The following TRAP1 variants were observed in gnomAD, a reference collection of about 807,000 sequenced individuals.
The protein encoded by TRAP1 is TNF receptor associated protein 1, also known as heat shock protein 75 kDa, mitochondrial.
A neutral mutation model predicts 89.1 loss-of-function variants in TRAP1; 102 were observed. That is an observed-to-expected ratio of 1.15 (90% CI 0.98 to 1.35). The LOEUF is 1.35. TRAP1 is among the 40% of genes most tolerant of loss of function. The pLI is 0.00. For missense variants in TRAP1, 1,256 were observed against 945.3 expected (o/e 1.33, Z -4.31); for synonymous variants, 508 against 388.0 (o/e 1.31, Z -3.64).
chr16:3,661,989 G>A lies in TRAP1; in HGVS notation c.1938C>T (p.Pro646=). The part of the protein sequence containing the change: ...QLLQPTLEIN[P]RHALIKKLNQ... Reference sequence around the variant, plus strand: ...AAGAGCCAGGAGCGTGGCCTCACCTGGGGTTGATCTCCAGCGTGGGCTGCA... The same window carrying A: ...AAGAGCCAGGAGCGTGGCCTCACCTAGGGTTGATCTCCAGCGTGGGCTGCA... The change falls in exon 16 of 18, where the codon CCC becomes CCT. Residue 646 remains proline (P), a splice_region_variant and synonymous_variant. Transcript: ENST00000246957. 6.2e-7 allele frequency: 1 copy of A among 1,604,740 alleles called. No individual in the cohort carries two copies. Among genetic ancestry groups the A allele is most frequent in the Non-Finnish European group, 8.5e-7 (1 of 1,174,850 alleles).
chr16:3,717,321 T>C (rs1267650405), intron 1 of TRAP1, 100 bp downstream of exon 1: 2 of 421,404 alleles, frequency 4.7e-6, no homozygotes, highest in Non-Finnish European at 7.8e-6. Flanking sequence ...CCCACGCCTG[T>C]GAAGCAGGTG....
intron 1 of TRAP1, among the ~76,000 whole-genome samples, chr16:3,714,761 G>A (rs1254493196): frequency 6.6e-6 from 1 of 152,198 alleles, no homozygotes. Flanking sequence ...ATGGGTGACT[G>A]AGGCAGCGTA....
At chr16:3,665,755 G>A (rs1567225678) in intron 12 of TRAP1, among the ~76,000 whole-genome samples, 1 of 152,212 alleles carries the variant, frequency 6.6e-6, no homozygotes, top group Admixed American at 6.5e-5. Context: ...GCCCTTCAGA[G>A]CACAGCACAG....
intron 1 of TRAP1, among the ~76,000 whole-genome samples, chr16:3,712,843 T>G (rs2051550080): frequency 6.6e-6 from 1 of 152,204 alleles, no homozygotes; most frequent in Non-Finnish European, 1.5e-5. Context: ...CTCAAATTCC[T>G]GAACTCAAGT....
Position 3,662,951 on chromosome 16 carries a change from T to C in TRAP1, c.1725A>G (p.Ser575=), listed in dbSNP as rs1285598616. Residue 575 remains serine (S), a synonymous_variant, in exon 15 of 18, where the codon TCA becomes TCG. Coordinates refer to ENST00000246957, the MANE Select transcript of TRAP1 (RefSeq NM_016292.3). ...CCATGAGCTCCTCCGTCTCCTTCTC[T>C]GATAGGCACTCGGCGGCTGCGGAAG... ...EDRSPAAECL[S]EKETEELMAW... is the part of the protein sequence containing the mutation. The C allele has an allele frequency of 6.2e-7, 1 of 1,611,592 alleles. No individual in the cohort carries two copies. Among genetic ancestry groups the C allele is most frequent in the South Asian group, 1.1e-5 (1 of 91,050 alleles).
intron 17 of TRAP1, 139 bp from the exon 18 acceptor site, chr16:3,658,369 C>T: frequency 1.4e-6 from 1 of 690,452 alleles, no homozygotes; most frequent in Middle Eastern, 2.9e-4. Context: ...CAGGTGATCC[C>T]CCCGCCTCCC....
intron 1 of TRAP1, among the ~76,000 whole-genome samples, chr16:3,704,016 A>C (rs79716505): frequency 0.026 from 9 of 342 alleles, no homozygotes; most frequent in African/African-American, 0.03. Flanking sequence ...CCCCGTCTCA[A>C]AAAAAAAAAA....
intron 13 of TRAP1, chr16:3,664,045 A>G (rs1596694855): frequency 4.1e-6 from 2 of 487,212 alleles, no homozygotes; most frequent in East Asian, 3.7e-5. Flanking sequence ...CCTGGGCGAG[A>G]GAGCAAGACT....
chr16:3,709,142 T>C (rs1003790050), intron 1 of TRAP1, among the ~76,000 whole-genome samples: 8 of 147,046 alleles, frequency 5.4e-5, no homozygotes, highest in Non-Finnish European at 1.0e-4. Context: ...TTAAAAGTTA[T>C]TTAAAAGGGC....
chr16:3,666,030 CA>C lies in TRAP1; in HGVS notation c.1323del (p.Phe441LeufsTer13). 1.2e-6 allele frequency: 2 copies of C among 1,614,114 alleles called. No individual in the cohort carries two copies. Among genetic ancestry groups the C allele is most frequent in the Non-Finnish European group, 1.7e-6 (2 of 1,180,002 alleles). The stretch of plus-strand genomic sequence containing the variant: ...TCCCGCATGAACAGGCCGTAATCTT[CA>C]AAAAACTTTGCATACTTCTCAGCAT... ...KKDAEKYAKF[F>X]EDYGLFMREG... On this transcript the variant is annotated frameshift_variant, in exon 12 of 18. Transcript: ENST00000246957. LOFTEE classifies it high-confidence loss of function.
At chr16:3,671,058 C>T (rs982078328) in intron 11 of TRAP1, among the ~76,000 whole-genome samples, 7 of 152,154 alleles carry the variant, frequency 4.6e-5, no homozygotes, top group East Asian at 1.9e-4. Flanking sequence ...ACTGCAGGCA[C>T]GTTGGGGGCT....
At chr16:3,714,396 C>G (rs1009196498) in intron 1 of TRAP1, among the ~76,000 whole-genome samples, 3 of 152,236 alleles carry the variant, frequency 2.0e-5, no homozygotes, top group Admixed American at 6.5e-5. Context: ...CGCAGTGGCT[C>G]ACGCCTGTAA....
intron 1 of TRAP1, among the ~76,000 whole-genome samples, chr16:3,696,755 C>G (rs1270031121): frequency 6.7e-6 from 1 of 150,144 alleles, no homozygotes; most frequent in Non-Finnish European, 1.5e-5. Context: ...TTGACTGGGT[C>G]TCACTCTGTC....
chr16:3,692,332 TC>T (rs1343831111), intron 1 of TRAP1, among the ~76,000 whole-genome samples: 2 of 151,970 alleles, frequency 1.3e-5, no homozygotes, highest in Non-Finnish European at 2.9e-5. Context: ...GGTCAGGAGT[TC>T]GAGACCAGCC....
chr16:3,675,422 C>G, intron 7 of TRAP1, 25 bp from the exon 8 acceptor site: 1 of 1,612,376 alleles, frequency 6.2e-7, no homozygotes, highest in Non-Finnish European at 8.5e-7. Context: ...AGAAAAACCA[C>G]ACTGCATCTA....
intron 1 of TRAP1, among the ~76,000 whole-genome samples, chr16:3,694,491 G>A (rs184552013): frequency 9.2e-5 from 14 of 151,940 alleles, no homozygotes; most frequent in Admixed American, 5.9e-4. Flanking sequence ...TTACAGGCAC[G>A]CACCACCATG....
chr16:3,714,118 C>T (rs1027749203), intron 1 of TRAP1, among the ~76,000 whole-genome samples: 9 of 152,134 alleles, frequency 5.9e-5, no homozygotes, highest in Non-Finnish European at 1.3e-4. Context: ...GACACTCGGC[C>T]CAAATCGCTC....
chr16:3,682,625 TCAGA>T (rs1203606710), intron 4 of TRAP1, among the ~76,000 whole-genome samples: 4 of 152,104 alleles, frequency 2.6e-5, no homozygotes, highest in Non-Finnish European at 4.4e-5. Context: ...ACTCCTGAGC[TCAGA>T]CAATCTGCCC....
At chr16:3,693,327 C>T (rs1388478991) in intron 1 of TRAP1, among the ~76,000 whole-genome samples, 1 of 151,870 alleles carries the variant, frequency 6.6e-6, no homozygotes, top group Admixed American at 6.6e-5. Flanking sequence ...AATTCCAAAC[C>T]ATGTAAACAT....
Sources: gnomAD v4.1 joint callset for allele counts (sites outside exome capture counted in the v4.1 genomes callset) on GRCh38, gnomAD v4.1.1 for gene constraint, MANE v1.5 for transcripts, NCBI Gene and HGNC (gene_info 2026-07-23, HGNC 2026-07-21) for gene names.